The following KCNQ1 variants were observed in gnomAD, a reference collection of about 807,000 sequenced individuals.
KCNQ1 encodes the protein potassium voltage-gated channel subfamily Q member 1.
In KCNQ1, 49 loss-of-function variants were observed where a neutral mutation model predicts 72.4. The ratio of observed to expected loss-of-function variants is 0.68; its 90% CI spans 0.54 to 0.86. The LOEUF (loss-of-function observed/expected upper bound fraction) is 0.86. KCNQ1 is among the 40% of genes least tolerant of loss of function. The pLI, the probability that KCNQ1 is intolerant of heterozygous loss-of-function variation, is 0.00. For synonymous variants in KCNQ1, 450 were observed against 412.6 expected, an observed-to-expected ratio of 1.09 and a Z score of -1.10; for missense variants, 790 against 945.1, an observed-to-expected ratio of 0.84 and a Z score of 2.15.
chr11:2,777,917 C>G, intron 14 of KCNQ1, 59 bp from the exon 15 acceptor site: 2 of 1,536,050 alleles, frequency 1.3e-6, no homozygotes, highest in South Asian at 1.1e-5. Context: ...CCAAGCCCAG[C>G]TGGGGTCCCC....
rs1590003075 is a variant in KCNQ1, at chr11:2,647,044, G to A, written c.1394-14917G>A. Reference sequence around the variant, plus strand: ...TCTGCTGAATAAGAATAGTGAAAGTGGGCATCCTTGTCTTGTTCTAGTTCT... The same window carrying A: ...TCTGCTGAATAAGAATAGTGAAAGTAGGCATCCTTGTCTTGTTCTAGTTCT... On this transcript the variant is annotated intron_variant, in intron 10 of 15. Transcript: ENST00000155840. The surrounding 1 kb of genome is among the most constrained non-coding windows in gnomAD (Gnocchi z 4.0). 7.5e-6 allele frequency: 3 copies of A among 398,556 alleles called. No individual in the cohort carries two copies. The East Asian group carries it at 1.1e-4, about 14-fold the overall frequency. 24.7% of individuals were successfully genotyped at this position (398,556 alleles called of 1,614,324 possible). A position where few individuals can be genotyped will look rare whatever the true frequency, so the allele number is the denominator to read the frequency against.
intron 2 of KCNQ1, among the ~76,000 whole-genome samples, chr11:2,530,899 G>A (rs1305345528): frequency 3.9e-5 from 6 of 152,144 alleles, no homozygotes; most frequent in South Asian, 2.1e-4. Flanking sequence ...TGTGTGAGAC[G>A]TGAGATCCTG....
intron 11 of KCNQ1, chr11:2,694,218 G>C: frequency 5.0e-6 from 2 of 398,686 alleles, no homozygotes; most frequent in South Asian, 2.5e-4. Context: ...TGAGGCTATA[G>C]GTGTTAGATG....
chr11:2,531,929 G>A (rs893341638), intron 2 of KCNQ1, among the ~76,000 whole-genome samples: 27 of 152,330 alleles, frequency 1.8e-4, no homozygotes, highest in African/African-American at 6.5e-4. Flanking sequence ...CCAAGGTGGT[G>A]CCACGTTCAG....
chr11:2,692,867 G>C (rs1185558990), intron 11 of KCNQ1: 2 of 398,544 alleles, frequency 5.0e-6, no homozygotes, highest in Non-Finnish European at 8.8e-6. Context: ...GCCTGGGAAG[G>C]CACTGTGCTG....
At chr11:2,528,925 T>C (rs192982433) in intron 2 of KCNQ1, among the ~76,000 whole-genome samples, 161 of 152,336 alleles carry the variant, frequency 1.1e-3, no homozygotes, top group African/African-American at 3.7e-3. Flanking sequence ...GAGTCCGTTT[T>C]ACCTTTCCTT....
At position 2,691,516 on chromosome 11, in the gene KCNQ1, G is replaced by GCT. The variant is rs146937958; in HGVS notation, c.1514+29436_1514+29437dup. ...TCAAGGCCATTTTTCAGCTTGCTTG[G>GCT]CTTTGCATTAAAGTTGGGGGGATTT... On this transcript the variant is annotated intron_variant, in intron 11 of 15. Coordinates refer to ENST00000155840, the MANE Select transcript of KCNQ1 (RefSeq NM_000218.3). The surrounding 1 kb of genome is among the most constrained non-coding windows in gnomAD (Gnocchi z 6.4). 0.012 allele frequency: 4,763 copies of GCT among 398,496 alleles called. 203 individuals carry two copies. The highest frequency in any genetic ancestry group is 0.089 in the African/African-American group (4,323 of 48,670). 24.7% of individuals were successfully genotyped at this position (398,496 alleles called of 1,614,324 possible).
chr11:2,637,774 A>G (rs1349918621), intron 10 of KCNQ1: 4 of 152,138 alleles, frequency 2.6e-5, no homozygotes, highest in Non-Finnish European at 5.9e-5. Flanking sequence ...GTCTAATGTT[A>G]ACAGTGGGGT....
At chr11:2,615,296 T>G in intron 10 of KCNQ1, 1 of 398,096 alleles carries the variant, frequency 2.5e-6, no homozygotes, top group Non-Finnish European at 4.4e-6. Context: ...CTCTACTAGT[T>G]TGTGGATTCT....
rs1469357848 is a variant in KCNQ1, at chr11:2,602,863, C to T, written c.1393+14009C>T. Among the ~76,000 whole-genome samples, 1 of 152,098 alleles carries T rather than the reference C, an allele frequency of 6.6e-6. No individual in the cohort carries two copies. The highest frequency in any genetic ancestry group is 2.4e-5 in the African/African-American group (1 of 41,424). ...GGGTGCAAATATTTATTCATTGTAG[C>T]TTTCATTGTCATCATCTCAACAGGG... is the stretch of plus-strand genomic sequence containing the variant. On this transcript the variant is annotated intron_variant, in intron 10 of 15. Transcript: ENST00000155840. The surrounding 1 kb of genome is among the most constrained non-coding windows in gnomAD (Gnocchi z 4.8).
intron 15 of KCNQ1, among the ~76,000 whole-genome samples, chr11:2,780,332 A>C (rs572447297): frequency 6.6e-6 from 1 of 152,188 alleles, no homozygotes; most frequent in East Asian, 1.9e-4. Flanking sequence ...TTATCAGTGC[A>C]GCCATCGGGA....
chr11:2,781,873 A>C lies in KCNQ1; in HGVS notation c.1794+3836A>C, dbSNP rs1397910064. ...AAGCGTTGGGCGGGAAGGGGCCCCC[A>C]CCACCTGACACTCCTTTCACTGCCT... On this transcript the variant is annotated intron_variant, in intron 15 of 15. Coordinates refer to ENST00000155840, the MANE Select transcript of KCNQ1 (RefSeq NM_000218.3). This position sits in a 1 kb window ranked among gnomAD's most constrained non-coding sequence, Gnocchi z 6.6. 6.6e-6 allele frequency among the ~76,000 whole-genome samples: 1 copy of C among 151,946 alleles called. No homozygotes were observed. The highest frequency in any genetic ancestry group is 1.5e-5 in the Non-Finnish European group (1 of 67,972).
At chr11:2,692,159 C>T in intron 11 of KCNQ1, 1 of 398,728 alleles carries the variant, frequency 2.5e-6, no homozygotes, top group Admixed American at 4.4e-5. Context: ...TCAGTGTCAC[C>T]CATCCTTTCA....
chr11:2,676,765 C>T lies in KCNQ1; in HGVS notation c.1514+14684C>T. ...ACGATGGTCTGCTGTATGAAGCAAC[C>T]CTAGGACATTTGAAGAGAATGGAGT... On this transcript the variant is annotated intron_variant, in intron 11 of 15. Coordinates refer to ENST00000155840, the MANE Select transcript of KCNQ1 (RefSeq NM_000218.3). This position sits in a 1 kb window ranked among gnomAD's most constrained non-coding sequence, Gnocchi z 4.2. 2.5e-6 allele frequency: 1 copy of T among 398,584 alleles called. No homozygotes were observed. 24.7% of individuals were successfully genotyped at this position (398,584 alleles called of 1,614,324 possible). A position where few individuals can be genotyped will look rare whatever the true frequency, so the allele number is the denominator to read the frequency against.
At chr11:2,770,571 C>T (rs1383566933) in intron 12 of KCNQ1, among the ~76,000 whole-genome samples, 3 of 152,378 alleles carry the variant, frequency 2.0e-5, no homozygotes, top group African/African-American at 4.8e-5. Flanking sequence ...CCTGCATCCC[C>T]CCAGGGAAGG....
intron 6 of KCNQ1, among the ~76,000 whole-genome samples, chr11:2,576,966 G>C (rs959636403): frequency 6.6e-6 from 1 of 152,220 alleles, no homozygotes; most frequent in Non-Finnish European, 1.5e-5. Flanking sequence ...GGCAGAGTAC[G>C]CACCTGCTGT....
chr11:2,618,959 GA>G (rs1432568408), intron 10 of KCNQ1: 3 of 397,928 alleles, frequency 7.5e-6, no homozygotes, highest in Non-Finnish European at 8.9e-6. Context: ...TTGTTTTCTT[GA>G]TTTCTTTTTT....
In KCNQ1 at chr11:2,471,748, G is replaced by A. The variant is rs542418223; in HGVS notation, c.386+26264G>A. Among the ~76,000 whole-genome samples the A allele has an allele frequency of 3.3e-5, 5 of 150,736 alleles. No individual in the cohort carries two copies. The highest frequency in any genetic ancestry group is 4.2e-4 in the South Asian group (2 of 4,806). ...TGGGCGTGTGTATGTGTGCATGGGC[G>A]TGTGTGTACTTGTGTATGGGTGTGT... On this transcript the variant is annotated intron_variant, in intron 1 of 15. Transcript: ENST00000155840. The surrounding 1 kb of genome is among the most constrained non-coding windows in gnomAD (Gnocchi z 4.8).
chr11:2,751,231 C>T (rs530138914), intron 11 of KCNQ1, among the ~76,000 whole-genome samples: 1 of 152,328 alleles, frequency 6.6e-6, no homozygotes, highest in African/African-American at 2.4e-5. Context: ...TATCCTCATC[C>T]ACACCTTTCT....
Sources: gnomAD v4.1 joint callset for allele counts (sites outside exome capture counted in the v4.1 genomes callset) on GRCh38, gnomAD v4.1.1 for gene constraint, Gnocchi (gnomAD v3.1) non-coding constraint, MANE v1.5 for transcripts, NCBI Gene and HGNC (gene_info 2026-07-23, HGNC 2026-07-21) for gene names.